MPHOSPH6: variants seen among roughly 807,000 people sequenced by gnomAD.
MPHOSPH6 encodes the protein M-phase phosphoprotein 6.
MPHOSPH6 carries 25 observed loss-of-function variants against 21.8 expected under a neutral mutation model. The observed-to-expected ratio is 1.15, with a 90% CI of 0.83 to 1.60. MPHOSPH6 has a LOEUF of 1.60. Ranked by LOEUF, MPHOSPH6 falls within the 40% of genes most tolerant of loss-of-function variation. MPHOSPH6 has a pLI of 0.00. For synonymous variants in MPHOSPH6, 84 were observed against 56.5 expected, an observed-to-expected ratio of 1.49 and a Z score of -2.18; for missense variants, 269 against 181.8, an observed-to-expected ratio of 1.48 and a Z score of -2.76.
At chr16:82,158,391 T>C (rs972649396) in intron 2 of MPHOSPH6, among the ~76,000 whole-genome samples, 3 of 149,488 alleles carry the variant, frequency 2.0e-5, no homozygotes, top group East Asian at 2.0e-4. Context: ...TCCAGCTACA[T>C]TGGAGGCTGA....
chr16:82,151,550 A>T (rs1462841439), intron 2 of MPHOSPH6, 36 bp from the exon 3 acceptor site: 2 of 1,542,486 alleles, frequency 1.3e-6, no homozygotes, highest in Non-Finnish European at 1.7e-6. Flanking sequence ...TTCTCCATAT[A>T]TAAAGCACAG....
At chr16:82,158,939 A>G (rs1309700438) in intron 2 of MPHOSPH6, among the ~76,000 whole-genome samples, 1 of 149,334 alleles carries the variant, frequency 6.7e-6, no homozygotes, top group Non-Finnish European at 1.5e-5. Flanking sequence ...GAAATCATAT[A>G]CAGGTAAAAG....
At chr16:82,156,193 T>C (rs960122570) in intron 2 of MPHOSPH6, among the ~76,000 whole-genome samples, 2 of 152,076 alleles carry the variant, frequency 1.3e-5, no homozygotes, top group Non-Finnish European at 2.9e-5. Flanking sequence ...TCACTATATA[T>C]ATATGTGGCA....
intron 2 of MPHOSPH6, among the ~76,000 whole-genome samples, chr16:82,153,692 AG>A (rs1293975173): frequency 2.6e-5 from 4 of 152,258 alleles, no homozygotes; most frequent in Non-Finnish European, 5.9e-5. Flanking sequence ...GCACATGTGC[AG>A]GATGAGTCTT....
chr16:82,152,575 T>C (rs370989037), intron 2 of MPHOSPH6, among the ~76,000 whole-genome samples: 26 of 152,108 alleles, frequency 1.7e-4, no homozygotes, highest in African/African-American at 5.6e-4. Context: ...AGGGGCAGAA[T>C]TGGAAGACGG....
chr16:82,148,662 T>G lies in MPHOSPH6; in HGVS notation c.*69A>C. 1 of 1,563,244 alleles carries G rather than the reference T, an allele frequency of 6.4e-7. No homozygotes were observed. Among genetic ancestry groups the G allele is most frequent in the South Asian group, 1.2e-5 (1 of 86,038 alleles). On this transcript the variant is annotated 3_prime_UTR_variant, in exon 5 of 5. Coordinates refer to ENST00000258169, the MANE Select transcript of MPHOSPH6 (RefSeq NM_005792.2). ...GTATTAATAACTATAGAGACACCAT[T>G]GGGATGAGCTCCAGATGCCCTGCTG...
At chr16:82,157,784 C>T (rs576423452) in intron 2 of MPHOSPH6, among the ~76,000 whole-genome samples, 1 of 152,080 alleles carries the variant, frequency 6.6e-6, no homozygotes, top group Non-Finnish European at 1.5e-5. Flanking sequence ...ATGAGGATGC[C>T]CAGGTGAAGA....
Position 82,164,138 on chromosome 16 carries a change from C to G in MPHOSPH6, c.108G>C (p.Lys36Asn), listed in dbSNP as rs767220675. 2.5e-6 allele frequency: 4 copies of G among 1,612,714 alleles called. No homozygotes were observed. Among genetic ancestry groups the G allele is most frequent in the South Asian group, 2.2e-5 (2 of 91,074 alleles). Reference protein sequence around the residue: ...ETKKQLEEEEKKIISEEHWYL... With the variant: ...ETKKQLEEEENKIISEEHWYL... ...ACCAGTGCTCTTCACTAATGATTTT[C>G]TTTTCTTCTTCTTCTAGTTGTTTCT... The change falls in exon 2 of 5, where the codon AAG becomes AAC. Residue 36 changes from lysine to asparagine, a missense_variant. By Grantham distance (94) the Lys-to-Asn change is moderately conservative. Coordinates refer to ENST00000258169, the MANE Select transcript of MPHOSPH6 (RefSeq NM_005792.2).
intron 2 of MPHOSPH6, among the ~76,000 whole-genome samples, chr16:82,156,776 A>G (rs1423788579): frequency 3.3e-5 from 5 of 152,204 alleles, no homozygotes; most frequent in Non-Finnish European, 7.3e-5. Flanking sequence ...CCATAAGCGT[A>G]AAAAAACAGG....
At chr16:82,166,168 G>A (rs1380316417) in intron 1 of MPHOSPH6, among the ~76,000 whole-genome samples, 2 of 152,194 alleles carry the variant, frequency 1.3e-5, no homozygotes, top group Non-Finnish European at 2.9e-5. Context: ...CATGAAGGAC[G>A]CACGGGATAT....
At chr16:82,159,480 A>G (rs1171851735) in intron 2 of MPHOSPH6, among the ~76,000 whole-genome samples, 1 of 152,034 alleles carries the variant, frequency 6.6e-6, no homozygotes, top group Admixed American at 6.6e-5. Context: ...TCTCGGCTCA[A>G]TGCAACCTCC....
chr16:82,160,930 G>A (rs995148063), intron 2 of MPHOSPH6, among the ~76,000 whole-genome samples: 2 of 150,664 alleles, frequency 1.3e-5, no homozygotes, highest in Non-Finnish European at 2.9e-5. Context: ...CACATAAGAG[G>A]TGCCCTCCCT....
At chr16:82,163,002 C>G (rs539996333) in intron 2 of MPHOSPH6, among the ~76,000 whole-genome samples, 1 of 152,204 alleles carries the variant, frequency 6.6e-6, no homozygotes, top group Non-Finnish European at 1.5e-5. Flanking sequence ...GACCCTGCCC[C>G]TGGCACTATC....
At chr16:82,160,704 C>A (rs1207319137) in intron 2 of MPHOSPH6, among the ~76,000 whole-genome samples, 1 of 152,134 alleles carries the variant, frequency 6.6e-6, no homozygotes, top group Non-Finnish European at 1.5e-5. Flanking sequence ...TCACGCCATC[C>A]CTCATAGGAG....
In MPHOSPH6 at chr16:82,168,535, A is replaced by C. The variant is rs1391781376; in HGVS notation, c.51+1590T>G. 9.5e-5 allele frequency among the ~76,000 whole-genome samples: 14 copies of C among 146,808 alleles called. 1 individual carries two copies. The highest frequency in any genetic ancestry group is 1.9e-4 in the Non-Finnish European group (13 of 67,518). ...ACCAAGGCTGGAGTGCAGTGGCGCC[A>C]TCTCAGCTCACTGCAGCCTTGATCT... On this transcript the variant is annotated intron_variant, in intron 1 of 4. Transcript: ENST00000258169.
At chr16:82,166,740 C>A (rs1597165909) in intron 1 of MPHOSPH6, among the ~76,000 whole-genome samples, 1 of 152,184 alleles carries the variant, frequency 6.6e-6, no homozygotes, top group African/African-American at 2.4e-5. Context: ...AATGCAGATG[C>A]CTCATTTCAT....
rs1039633874 is a variant in MPHOSPH6, at chr16:82,148,225, C to T, written c.*506G>A. On this transcript the variant is annotated 3_prime_UTR_variant, in exon 5 of 5. Coordinates refer to ENST00000258169, the MANE Select transcript of MPHOSPH6 (RefSeq NM_005792.2). ...TATCAATTCAATGCTTTAAATAAAACAACATAATACCATAAACTGACAATG... is the reference window on the plus strand; with the variant it reads ...TATCAATTCAATGCTTTAAATAAAATAACATAATACCATAAACTGACAATG... 1 of 152,058 alleles carries T rather than the reference C, an allele frequency of 6.6e-6. No homozygotes were observed. Among genetic ancestry groups the T allele is most frequent in the Non-Finnish European group, 1.5e-5 (1 of 68,010 alleles). 9.4% of individuals were successfully genotyped at this position (152,058 alleles called of 1,614,324 possible).
At chr16:82,151,274 CT>C in intron 3 of MPHOSPH6, 149 bp downstream of exon 3, 2 of 1,162,636 alleles carry the variant, frequency 1.7e-6, no homozygotes, top group South Asian at 2.9e-5. Context: ...CCTCCAATTT[CT>C]TTAAATAGCT....
intron 1 of MPHOSPH6, among the ~76,000 whole-genome samples, chr16:82,165,159 A>G (rs1186795936): frequency 8.9e-6 from 1 of 111,912 alleles, no homozygotes; most frequent in African/African-American, 3.5e-5. Flanking sequence ...ACAGAGTCTC[A>G]CTCTGTCGCC....
Sources: allele counts gnomAD v4.1 joint callset (sites outside exome capture counted in the v4.1 genomes callset), GRCh38; gene constraint gnomAD v4.1.1; transcripts MANE v1.5; gene names NCBI Gene and HGNC (gene_info 2026-07-23, HGNC 2026-07-21).